Variants in MALRD1 observed in about 807,000 individuals in gnomAD.
The protein encoded by MALRD1 is MAM and LDL receptor class A domain containing 1.
In MALRD1, 247 loss-of-function variants were observed where a neutral mutation model predicts 242.1. The ratio of observed to expected loss-of-function variants is 1.02; its 90% CI spans 0.92 to 1.13. MALRD1 has a LOEUF of 1.13. Ranked by LOEUF, MALRD1 falls within the 50% of genes most tolerant of loss-of-function variation. The pLI is 0.00. For synonymous variants in MALRD1, 995 were observed against 866.6 expected (o/e 1.15, Z -2.60); for missense variants, 2,989 against 2,533.1 (o/e 1.18, Z -3.86).
At chr10:19,306,050 A>T (rs1354394340) in intron 21 of MALRD1, among the ~76,000 whole-genome samples, 3 of 101,966 alleles carry the variant, frequency 2.9e-5, no homozygotes, top group African/African-American at 1.4e-4. Flanking sequence ...TATAGTATAC[A>T]ATTTATTATA....
At position 19,709,243 on chromosome 10, in the gene MALRD1, T is replaced by TAAAAAA. The variant is rs557818453; in HGVS notation, c.6314+16709_6314+16714dup. 1.2e-3 allele frequency among the ~76,000 whole-genome samples: 123 copies of TAAAAAA among 105,928 alleles called. No homozygotes were observed. The East Asian group carries it at 0.025, about 22-fold the overall frequency. The allele number at this position is 105,928 out of a possible 152,430, so 69.5% of individuals were successfully genotyped here. ...TAACATGGTGAAACCCCGTCTGTAC[T>TAAAAAA]AAAAAAAAAAAAAAAAAAAAAAAAA... is the stretch of plus-strand genomic sequence containing the variant. On this transcript the variant is annotated intron_variant, in intron 38 of 39. Coordinates refer to ENST00000454679, the MANE Select transcript of MALRD1 (RefSeq NM_001142308.3).
At position 19,348,658 on chromosome 10, in the gene MALRD1, A is replaced by G. The variant is rs138470098; in HGVS notation, c.4149+640A>G. 5.4e-4 allele frequency among the ~76,000 whole-genome samples: 82 copies of G among 152,282 alleles called. No individual in the cohort carries two copies. The East Asian group carries it at 0.015, about 27-fold the overall frequency. On this transcript the variant is annotated intron_variant, in intron 25 of 39. Transcript: ENST00000454679. ...TTGGGAAAAGCAGCAGCCTCATACG[A>G]TAACTATGTATTTACAGGGTTTTCC... is the stretch of plus-strand genomic sequence containing the variant.
Position 19,210,518 on chromosome 10 carries a change from G to A in MALRD1, c.2991+838G>A, listed in dbSNP as rs554477261. Among the ~76,000 whole-genome samples the A allele has an allele frequency of 1.9e-4, 29 of 152,228 alleles. No individual in the cohort carries two copies. In the South Asian group the frequency reaches 5.4e-3, roughly 28 times the overall value. ...GCTTGAATATTTGTTCTTTCATCCT[G>A]TAGTCAAATTAATCTACACATAATA... On this transcript the variant is annotated intron_variant, in intron 18 of 39. Coordinates refer to ENST00000454679, the MANE Select transcript of MALRD1 (RefSeq NM_001142308.3).
At chr10:19,718,791 C>G (rs1185037240) in intron 38 of MALRD1, among the ~76,000 whole-genome samples, 2 of 152,002 alleles carry the variant, frequency 1.3e-5, no homozygotes, top group East Asian at 3.9e-4. Flanking sequence ...GAACCTTTTT[C>G]TATATATATT....
intron 28 of MALRD1, among the ~76,000 whole-genome samples, chr10:19,444,700 T>A (rs71497276): frequency 2.0e-5 from 3 of 152,206 alleles, no homozygotes; most frequent in Non-Finnish European, 4.4e-5. Context: ...TGGGCATCCC[T>A]TTCGTGGGTA....
At chr10:19,732,798 T>G (rs1422362757) in intron 39 of MALRD1, among the ~76,000 whole-genome samples, 1 of 152,178 alleles carries the variant, frequency 6.6e-6, no homozygotes, top group Non-Finnish European at 1.5e-5. Flanking sequence ...GGAAGGGGCC[T>G]CCATCAAAGA....
intron 18 of MALRD1, among the ~76,000 whole-genome samples, chr10:19,226,785 C>T (rs904892510): frequency 1.3e-5 from 2 of 151,952 alleles, no homozygotes; most frequent in Admixed American, 1.3e-4. Flanking sequence ...TAGGCATCTG[C>T]AGAAGTGTGC....
In MALRD1 at chr10:19,209,629, C is replaced by G. The variant is rs1053595401; in HGVS notation, c.2940C>G (p.Gly980=). The change falls in exon 18 of 40, where the codon GGC becomes GGG. Residue 980 remains glycine, a synonymous_variant. Coordinates refer to ENST00000454679, the MANE Select transcript of MALRD1 (RefSeq NM_001142308.3). ...TGTGGCAGATATTTGGGAATCAAGG[C>G]AACAGATGGATTAGGAAACACCTCA... The part of the protein sequence containing the change: ...QLLWQIFGNQ[G]NRWIRKHLNI... 2.7e-5 allele frequency: 42 copies of G among 1,550,824 alleles called. No homozygotes were observed. The African/African-American group carries it at 4.9e-4, about 18-fold the overall frequency.
chr10:19,189,097 A>G (rs1835864866), intron 14 of MALRD1, among the ~76,000 whole-genome samples: 1 of 152,118 alleles, frequency 6.6e-6, no homozygotes, highest in Admixed American at 6.5e-5. Flanking sequence ...GATTCAAATT[A>G]CTATAATCAG....
chr10:19,555,968 T>A (rs940173660), intron 32 of MALRD1, among the ~76,000 whole-genome samples: 6 of 152,166 alleles, frequency 3.9e-5, no homozygotes, highest in African/African-American at 7.2e-5. Context: ...TTTTAATAAT[T>A]TCTTTAATTG....
At chr10:19,308,593 T>G (rs1253735226) in intron 21 of MALRD1, among the ~76,000 whole-genome samples, 3 of 151,490 alleles carry the variant, frequency 2.0e-5, no homozygotes, top group African/African-American at 7.3e-5. Flanking sequence ...AATTCTCTAT[T>G]TTATACTTAC....
At chr10:19,467,178 TC>T (rs1249808921) in intron 29 of MALRD1, among the ~76,000 whole-genome samples, 19 of 151,076 alleles carry the variant, frequency 1.3e-4, no homozygotes, top group African/African-American at 4.6e-4. Context: ...CTTGGTGAAA[TC>T]CCATCTCTAC....
intron 36 of MALRD1, among the ~76,000 whole-genome samples, chr10:19,650,649 T>C (rs1840833669): frequency 6.6e-6 from 1 of 152,108 alleles, no homozygotes. Flanking sequence ...TTTATTACAT[T>C]TGTAAAGTAG....
At chr10:19,385,298 G>T (rs1448892215) in intron 26 of MALRD1, among the ~76,000 whole-genome samples, 1 of 151,922 alleles carries the variant, frequency 6.6e-6, no homozygotes, top group Non-Finnish European at 1.5e-5. Flanking sequence ...TCAATTTTTT[G>T]GAAGAGTTTG....
At chr10:19,473,127 AACTT>A (rs1454669840) in intron 29 of MALRD1, among the ~76,000 whole-genome samples, 1 of 63,534 alleles carries the variant, frequency 1.6e-5, no homozygotes, top group African/African-American at 6.1e-5. Context: ...CTTTATCCTC[AACTT>A]AAATTTTGAG....
chr10:19,569,481 A>G (rs1432384011), intron 33 of MALRD1, among the ~76,000 whole-genome samples: 1 of 151,652 alleles, frequency 6.6e-6, no homozygotes, highest in African/African-American at 2.4e-5. Flanking sequence ...TCAGGAAAAA[A>G]AAATCTCCAT....
chr10:19,402,075 G>T (rs978783348), intron 28 of MALRD1, among the ~76,000 whole-genome samples: 6 of 152,068 alleles, frequency 3.9e-5, no homozygotes, highest in African/African-American at 1.4e-4. Flanking sequence ...TGTCCCCTTG[G>T]GGGCAATATT....
chr10:19,363,421 G>A (rs1844980746), intron 26 of MALRD1, among the ~76,000 whole-genome samples: 1 of 152,124 alleles, frequency 6.6e-6, no homozygotes, highest in South Asian at 2.1e-4. Context: ...GTATTACCCA[G>A]GAGTGACTAC....
In MALRD1 at chr10:19,278,274, C is replaced by T. The variant is rs978689047; in HGVS notation, c.3080-1773C>T. Among the ~76,000 whole-genome samples, 18 of 152,288 alleles carry T rather than the reference C, an allele frequency of 1.2e-4. No individual in the cohort carries two copies. In the Middle Eastern group the frequency reaches 0.01, roughly 86 times the overall value. On this transcript the variant is annotated intron_variant, in intron 19 of 39. Coordinates refer to ENST00000454679, the MANE Select transcript of MALRD1 (RefSeq NM_001142308.3). ...CCCATAAAGACCTTGTATTCTTTTT[C>T]ACCTGGCAAGATGAGCTCATCAACC... is the stretch of plus-strand genomic sequence containing the variant.
Sources: allele counts gnomAD v4.1 joint callset (sites outside exome capture counted in the v4.1 genomes callset), GRCh38; gene constraint gnomAD v4.1.1; transcripts MANE v1.5; gene names NCBI Gene and HGNC (gene_info 2026-07-23, HGNC 2026-07-21).